CCSER1: variants seen among roughly 807,000 people sequenced by gnomAD.
CCSER1 encodes the protein serine-rich coiled-coil domain-containing protein 1.
A neutral mutation model predicts 82.0 loss-of-function variants in CCSER1; 41 were observed. The observed-to-expected ratio is 0.50, with a 90% CI of 0.39 to 0.65. CCSER1 has a LOEUF of 0.65. Ranked by LOEUF, CCSER1 falls within the 30% of genes least tolerant of loss-of-function variation. The pLI, the probability that CCSER1 is intolerant of heterozygous loss-of-function variation, is 0.00. For synonymous variants in CCSER1, 414 were observed against 383.9 expected (o/e 1.08, Z -0.92); for missense variants, 1,119 against 1,064.2 (o/e 1.05, Z -0.72).
intron 1 of CCSER1, among the ~76,000 whole-genome samples, chr4:90,185,861 A>T (rs1354843311): frequency 1.3e-5 from 2 of 152,068 alleles, no homozygotes; most frequent in Non-Finnish European, 2.9e-5. Context: ...TTTTGTTTTC[A>T]CAAAGGATTA....
intron 10 of CCSER1, among the ~76,000 whole-genome samples, chr4:91,408,874 T>G (rs1240430761): frequency 6.6e-6 from 1 of 152,214 alleles, no homozygotes; most frequent in Non-Finnish European, 1.5e-5. Context: ...GAATTTCAGA[T>G]GAGTAAACCA....
chr4:90,189,283 A>G (rs1735188094), intron 1 of CCSER1, among the ~76,000 whole-genome samples: 2 of 151,948 alleles, frequency 1.3e-5, no homozygotes, highest in Admixed American at 1.3e-4. Context: ...TATTACAAGT[A>G]CAATACAATG....
At chr4:91,195,077 G>C (rs1735303215) in intron 10 of CCSER1, among the ~76,000 whole-genome samples, 1 of 152,160 alleles carries the variant, frequency 6.6e-6, no homozygotes, top group South Asian at 2.1e-4. Flanking sequence ...GTTGAAGTCT[G>C]TGTTTTTGAG....
At chr4:90,477,637 CTTT>C (rs11390029) in intron 5 of CCSER1, among the ~76,000 whole-genome samples, 1 of 151,136 alleles carries the variant, frequency 6.6e-6, no homozygotes, top group Non-Finnish European at 1.5e-5. Context: ...AAAGTATTAT[CTTT>C]TTTTTCCTCT....
chr4:90,839,982 A>G (rs1762367885), intron 8 of CCSER1, among the ~76,000 whole-genome samples: 1 of 152,042 alleles, frequency 6.6e-6, no homozygotes. Flanking sequence ...AAATTAATAT[A>G]ATAATGTGAC....
intron 10 of CCSER1, among the ~76,000 whole-genome samples, chr4:91,556,764 G>A (rs2110240161): frequency 1.3e-5 from 2 of 150,928 alleles, no homozygotes; most frequent in Admixed American, 1.3e-4. Flanking sequence ...CAGACAGTAG[G>A]CACAAATAAT....
intron 6 of CCSER1, among the ~76,000 whole-genome samples, chr4:90,691,520 TAC>T (rs1735871194): frequency 1.3e-5 from 2 of 151,048 alleles, no homozygotes; most frequent in Middle Eastern, 3.5e-3. Context: ...ATTACATGTG[TAC>T]ATATCACACG....
chr4:91,343,221 C>T (rs1377497415), intron 10 of CCSER1, among the ~76,000 whole-genome samples: 6 of 151,942 alleles, frequency 3.9e-5, no homozygotes, highest in Non-Finnish European at 8.8e-5. Flanking sequence ...TCTGGAAGAA[C>T]ACTTGGTACA....
At chr4:90,536,362 ATCT>A (rs1425954185) in intron 5 of CCSER1, among the ~76,000 whole-genome samples, 1 of 152,134 alleles carries the variant, frequency 6.6e-6, no homozygotes, top group Non-Finnish European at 1.5e-5. Flanking sequence ...AATACTTTAC[ATCT>A]TCTCCCTTTA....
chr4:90,660,572 G>A (rs1312880819), intron 6 of CCSER1, among the ~76,000 whole-genome samples: 3 of 151,988 alleles, frequency 2.0e-5, no homozygotes, highest in African/African-American at 7.2e-5. Flanking sequence ...AGCTGTGTAA[G>A]CCATAAAATC....
chr4:91,003,977 T>A (rs1738278003), intron 9 of CCSER1, among the ~76,000 whole-genome samples: 1 of 152,204 alleles, frequency 6.6e-6, no homozygotes. Context: ...TCTTCTTCCA[T>A]GATCTAGACC....
chr4:91,362,915 C>A (rs1234437207), intron 10 of CCSER1, among the ~76,000 whole-genome samples: 1 of 151,604 alleles, frequency 6.6e-6, no homozygotes, highest in Non-Finnish European at 1.5e-5. Flanking sequence ...GTACATGTAC[C>A]ACTCCTTGAA....
chr4:90,918,323 T>A, intron 8 of CCSER1: 1 of 445,254 alleles, frequency 2.2e-6, no homozygotes, highest in Non-Finnish European at 4.5e-6. Flanking sequence ...TCAACTTTTA[T>A]GTAGGTAATT....
chr4:90,648,284 G>GGAAAGAAAGAAAGAAAGGAAAGAAAGGAA (rs1553969687), intron 6 of CCSER1, among the ~76,000 whole-genome samples: 8 of 89,892 alleles, frequency 8.9e-5, no homozygotes, highest in Non-Finnish European at 1.4e-4. Flanking sequence ...GAGAAAGAAA[G>GGAAAGAAAGAAAGAAAGGAAAGAAAGGAA]GAAAGAAAGA....
chr4:90,557,254 T>C (rs12644670), intron 5 of CCSER1, among the ~76,000 whole-genome samples: 1,651 of 152,186 alleles, frequency 0.011, 13 homozygotes, highest in Non-Finnish European at 0.018. Context: ...TCATTATTTG[T>C]GCATAGTTGC....
intron 4 of CCSER1, among the ~76,000 whole-genome samples, chr4:90,417,751 C>T (rs941953129): frequency 6.6e-6 from 1 of 152,088 alleles, no homozygotes; most frequent in African/African-American, 2.4e-5. Flanking sequence ...GGAACTCCTC[C>T]TGTGCCTATT....
chr4:90,507,567 A>T (rs1272517682), intron 5 of CCSER1, among the ~76,000 whole-genome samples: 1 of 152,104 alleles, frequency 6.6e-6, no homozygotes, highest in Non-Finnish European at 1.5e-5. Context: ...AAAGACAAAA[A>T]TACAATCATT....
intron 6 of CCSER1, among the ~76,000 whole-genome samples, chr4:90,705,927 C>T (rs1739258418): frequency 6.6e-6 from 1 of 152,216 alleles, no homozygotes; most frequent in Non-Finnish European, 1.5e-5. Flanking sequence ...CTTCCGGGGT[C>T]AGGCGATGCC....
At chr4:91,548,463 C>A (rs1206186462) in intron 10 of CCSER1, among the ~76,000 whole-genome samples, 1 of 152,110 alleles carries the variant, frequency 6.6e-6, no homozygotes, top group African/African-American at 2.4e-5. Context: ...TCTTTCTTTA[C>A]ATAGACTCAA....
Sources: gnomAD v4.1 joint callset for allele counts (sites outside exome capture counted in the v4.1 genomes callset) on GRCh38, gnomAD v4.1.1 for gene constraint, MANE v1.5 for transcripts, NCBI Gene and HGNC (gene_info 2026-07-23, HGNC 2026-07-21) for gene names.